LUZP2: variants seen among roughly 807,000 people sequenced by gnomAD.
The protein encoded by LUZP2 is leucine zipper protein 2.
Under a neutral mutation model 51.6 loss-of-function variants are expected in LUZP2, and 52 were observed. The ratio of observed to expected loss-of-function variants is 1.01; its 90% CI spans 0.81 to 1.27. The LOEUF (loss-of-function observed/expected upper bound fraction) is 1.27. Ranked by LOEUF, LUZP2 falls within the 50% of genes most tolerant of loss-of-function variation. The pLI is 0.00. For synonymous variants in LUZP2, 154 were observed against 137.3 expected, an observed-to-expected ratio of 1.12 and a Z score of -0.85; for missense variants, 436 against 395.4, an observed-to-expected ratio of 1.10 and a Z score of -0.87.
At chr11:24,880,178 T>TC (rs1218026159) in intron 5 of LUZP2, among the ~76,000 whole-genome samples, 1 of 152,078 alleles carries the variant, frequency 6.6e-6, no homozygotes, top group Non-Finnish European at 1.5e-5. Flanking sequence ...GGTTTAATAC[T>TC]CCCCCCATGG....
intron 7 of LUZP2, among the ~76,000 whole-genome samples, chr11:24,973,851 T>A (rs4923225): frequency 0.91 from 138,175 of 152,048 alleles, 64,253 homozygotes; most frequent in Non-Finnish European, 1. Flanking sequence ...TTTTACTTCC[T>A]CTTATGTGAT....
intron 5 of LUZP2, among the ~76,000 whole-genome samples, chr11:24,896,861 A>G (rs950914303): frequency 3.9e-5 from 6 of 152,222 alleles, no homozygotes; most frequent in Non-Finnish European, 4.4e-5. Context: ...AAACGCACCA[A>G]TCAGCACTCT....
At chr11:24,839,930 A>G (rs765001554) in intron 5 of LUZP2, among the ~76,000 whole-genome samples, 3 of 151,738 alleles carry the variant, frequency 2.0e-5, no homozygotes, top group Non-Finnish European at 4.4e-5. Flanking sequence ...ATACCCTAAC[A>G]TTTCTGTATT....
At chr11:24,650,387 C>T (rs1214041432) in intron 1 of LUZP2, among the ~76,000 whole-genome samples, 1 of 151,886 alleles carries the variant, frequency 6.6e-6, no homozygotes, top group African/African-American at 2.4e-5. Flanking sequence ...CTTAGCACTA[C>T]ACCAACATAC....
intron 1 of LUZP2, among the ~76,000 whole-genome samples, chr11:24,594,935 T>C (rs1203825721): frequency 6.6e-6 from 1 of 151,736 alleles, no homozygotes; most frequent in Admixed American, 6.6e-5. Context: ...AATTTTTTTG[T>C]ATTTTTAGTA....
chr11:24,734,056 G>T (rs899722157), intron 3 of LUZP2, among the ~76,000 whole-genome samples: 2 of 151,718 alleles, frequency 1.3e-5, no homozygotes, highest in Non-Finnish European at 2.9e-5. Flanking sequence ...TATAATTAAA[G>T]AAATCTTTTA....
At chr11:24,831,764 A>G (rs1354887667) in intron 5 of LUZP2, 2 of 152,644 alleles carry the variant, frequency 1.3e-5, no homozygotes, top group African/African-American at 4.8e-5. Flanking sequence ...GTGAGAAGAG[A>G]AAATCTTTAA....
At chr11:24,867,440 C>G (rs566472083) in intron 5 of LUZP2, among the ~76,000 whole-genome samples, 1 of 152,236 alleles carries the variant, frequency 6.6e-6, no homozygotes, top group South Asian at 2.1e-4. Context: ...TTCTTCCAGT[C>G]ATTTTGTTAT....
chr11:24,688,314 A>G (rs1856959241), intron 1 of LUZP2, among the ~76,000 whole-genome samples: 1 of 152,160 alleles, frequency 6.6e-6, no homozygotes, highest in Admixed American at 6.5e-5. Flanking sequence ...CAGAGACATT[A>G]AGCACTTGCC....
chr11:24,682,980 C>A (rs1303029318), intron 1 of LUZP2, among the ~76,000 whole-genome samples: 4 of 151,990 alleles, frequency 2.6e-5, no homozygotes, highest in Non-Finnish European at 2.9e-5. Context: ...CAGAGTGAGG[C>A]TGTCTCAAAG....
chr11:24,981,496 A>T (rs1241271262), intron 8 of LUZP2, among the ~76,000 whole-genome samples: 1 of 151,374 alleles, frequency 6.6e-6, no homozygotes, highest in Non-Finnish European at 1.5e-5. Flanking sequence ...GGTCTTTATG[A>T]CCTATATCTC....
At chr11:25,030,938 TTATATATATTATATATATAATAC>T (rs1857644576) in intron 9 of LUZP2, among the ~76,000 whole-genome samples, 1 of 1,368 alleles carries the variant, frequency 7.3e-4, no homozygotes, top group Non-Finnish European at 1.1e-3. Flanking sequence ...ATAATATATA[TTATATATATTATATATATAATAC>T]AATATATATT....
At chr11:24,956,270 C>A (rs1855206645) in intron 7 of LUZP2, among the ~76,000 whole-genome samples, 1 of 151,910 alleles carries the variant, frequency 6.6e-6, no homozygotes, top group African/African-American at 2.4e-5. Context: ...GGAATGCAGG[C>A]AGCCACTGTA....
At chr11:24,742,057 T>TTATACATATATATATATATATATATATA (rs1859199692) in intron 4 of LUZP2, among the ~76,000 whole-genome samples, 2 of 116,328 alleles carry the variant, frequency 1.7e-5, no homozygotes, top group Non-Finnish European at 3.3e-5. Flanking sequence ...ATAAATATAA[T>TTATACATATATATATATATATATATATA]TATATATATA....
At chr11:24,910,322 GC>G (rs1277495305) in intron 6 of LUZP2, among the ~76,000 whole-genome samples, 1 of 152,156 alleles carries the variant, frequency 6.6e-6, no homozygotes, top group East Asian at 1.9e-4. Context: ...GTAATGAGGA[GC>G]CCAATGTTAA....
intron 5 of LUZP2, among the ~76,000 whole-genome samples, chr11:24,817,356 CA>C (rs1210646833): frequency 1.3e-5 from 2 of 151,890 alleles, no homozygotes; most frequent in African/African-American, 2.4e-5. Flanking sequence ...GAAACTTATA[CA>C]AAAAATATAT....
rs1850002065 is a variant in LUZP2 at position 24,810,945 on chromosome 11, T to G, written c.396+47637T>G. ...CTCCTACAGCTCCCATTAGGTCTTCTCTTTAATTTCTCTGAGTCCTCAACT... is the reference window on the plus strand; with the variant it reads ...CTCCTACAGCTCCCATTAGGTCTTCGCTTTAATTTCTCTGAGTCCTCAACT... On this transcript the variant is annotated intron_variant, in intron 5 of 11. Transcript: ENST00000336930. Among the ~76,000 whole-genome samples the G allele has an allele frequency of 2.0e-5, 3 of 152,146 alleles. No homozygotes were observed. The South Asian group carries it at 6.2e-4, about 32-fold the overall frequency.
At chr11:24,887,542 C>T (rs1176401465) in intron 5 of LUZP2, among the ~76,000 whole-genome samples, 1 of 152,056 alleles carries the variant, frequency 6.6e-6, no homozygotes, top group Non-Finnish European at 1.5e-5. Flanking sequence ...CAAAATGGTG[C>T]CTGTAAGTTA....
chr11:24,532,138 C>T (rs1851024277), intron 1 of LUZP2, among the ~76,000 whole-genome samples: 1 of 150,642 alleles, frequency 6.6e-6, no homozygotes, highest in Non-Finnish European at 1.5e-5. Context: ...TAAATTTTTC[C>T]ACCATTATTT....
Sources: allele counts gnomAD v4.1 joint callset (sites outside exome capture counted in the v4.1 genomes callset), GRCh38; gene constraint gnomAD v4.1.1; transcripts MANE v1.5; gene names NCBI Gene and HGNC (gene_info 2026-07-23, HGNC 2026-07-21).